The following ITPRID2 variants were observed in gnomAD, a reference collection of about 807,000 sequenced individuals.
ITPRID2 encodes ITPR interacting domain containing 2, also known as protein ITPRID2.
In ITPRID2, 60 loss-of-function variants were observed where a neutral mutation model predicts 124.3. That is an observed-to-expected ratio of 0.48 (90% CI 0.39 to 0.60). The LOEUF is 0.60. Ranked by LOEUF, ITPRID2 falls within the 20% of genes least tolerant of loss-of-function variation. The pLI is 0.00. For synonymous variants in ITPRID2, 521 were observed against 542.9 expected (o/e 0.96, Z 0.56); for missense variants, 1,553 against 1,512.2 (o/e 1.03, Z -0.45).
In ITPRID2 at chr2:181,892,603, C is replaced by T. The variant is rs759313450; in HGVS notation, c.212-12C>T. 2.5e-6 allele frequency: 4 copies of T among 1,614,064 alleles called. No individual in the cohort carries two copies. The highest frequency in any genetic ancestry group is 1.3e-5 in the African/African-American group (1 of 74,944). ...TGGGTGGTAACGTGCTGTCCCCTCT[C>T]TCTACCCCCAGGAAACGTGCCCAAC... On this transcript the variant is annotated splice_polypyrimidine_tract_variant and intron_variant, in intron 1 of 17. Coordinates refer to ENST00000431877, the MANE Select transcript of ITPRID2 (RefSeq NM_001130445.3). This position sits in a 1 kb window ranked among gnomAD's most constrained non-coding sequence, Gnocchi z 5.2.
At chr2:181,898,799 A>G in intron 4 of ITPRID2, 81 bp from the exon 5 acceptor site, 1 of 987,432 alleles carries the variant, frequency 1.0e-6, no homozygotes, top group Non-Finnish European at 1.6e-6. Flanking sequence ...ATTGTAGGTA[A>G]TTAGATTTCT....
Position 181,892,627 on chromosome 2 carries a change from A to T in ITPRID2, c.224A>T (p.Asn75Ile), listed in dbSNP as rs758649964. 6.2e-7 allele frequency: 1 copy of T among 1,613,972 alleles called. No individual in the cohort carries two copies. Among genetic ancestry groups the T allele is most frequent in the African/African-American group, 1.3e-5 (1 of 74,984 alleles). The change falls in exon 2 of 18, where the codon AAC becomes ATC. Residue 75 changes from asparagine (N) to isoleucine (I), a missense_variant. Physicochemically the swap from Asn to Ile is moderately radical, Grantham distance 149. Transcript: ENST00000431877. This position sits in a 1 kb window ranked among gnomAD's most constrained non-coding sequence, Gnocchi z 5.2. ...TCTCTACCCCCAGGAAACGTGCCCA[A>T]CGAGAAGATCGCGATATGGCTCAAG... ...PAAGGRGNVP[N>I]EKIAIWLKDC...
In ITPRID2 at chr2:181,928,250, G is replaced by A; in HGVS notation, c.3765G>A (p.Lys1255=). The change falls in exon 17 of 18, where the codon AAG becomes AAA. Residue 1255 remains lysine (K), a synonymous_variant. Coordinates refer to ENST00000431877, the MANE Select transcript of ITPRID2 (RefSeq NM_001130445.3). ...CTTCAAGTAAAGCGTCTAATTCTAA[G>A]CAAGATTATCATTAAACAGAAATTA... is the stretch of plus-strand genomic sequence containing the variant. ...AVSSSKASNS[K]QDYH is the part of the protein sequence containing the mutation. 1.3e-6 allele frequency: 2 copies of A among 1,541,924 alleles called. No individual in the cohort carries two copies. Among genetic ancestry groups the A allele is most frequent in the Non-Finnish European group, 1.7e-6 (2 of 1,143,756 alleles).
chr2:181,924,998 A>G (rs1001213193), intron 16 of ITPRID2, among the ~76,000 whole-genome samples: 3 of 152,254 alleles, frequency 2.0e-5, no homozygotes, highest in Non-Finnish European at 4.4e-5. Flanking sequence ...ACAGAAGCCA[A>G]TTCAGCAAAA....
At chr2:181,923,545 C>T (rs1026921387) in intron 16 of ITPRID2, among the ~76,000 whole-genome samples, 6 of 152,192 alleles carry the variant, frequency 3.9e-5, no homozygotes, top group Admixed American at 6.5e-5. Context: ...TCACCCTACT[C>T]GGTCAGGTGT....
In ITPRID2 at chr2:181,907,753, CAAT is replaced by C. The variant is rs1693263593; in HGVS notation, c.1414-2140_1414-2138del. Among the ~76,000 whole-genome samples the C allele has an allele frequency of 6.6e-6, 1 of 152,054 alleles. No individual in the cohort carries two copies. The highest frequency in any genetic ancestry group is 6.5e-5 in the Admixed American group (1 of 15,276). On this transcript the variant is annotated intron_variant, in intron 8 of 17. Coordinates refer to ENST00000431877, the MANE Select transcript of ITPRID2 (RefSeq NM_001130445.3). The surrounding 1 kb of genome is among the most constrained non-coding windows in gnomAD (Gnocchi z 5.1). ...CTGCCGCCTTTTGCACAATTGTGAC[CAAT>C]AATAAAATAAGAAATTCACCCATTA...
At chr2:181,924,397 A>G (rs772721442) in intron 16 of ITPRID2, among the ~76,000 whole-genome samples, 6 of 152,334 alleles carry the variant, frequency 3.9e-5, no homozygotes, top group Non-Finnish European at 8.8e-5. Flanking sequence ...ACCTAAATAC[A>G]TACTGTACTA....
Position 181,900,771 on chromosome 2 carries a change from A to G in ITPRID2, c.579A>G (p.Glu193=). The part of the protein sequence containing the change: ...ILYNLGFGRD[E]PDIASKIPSR... Reference sequence around the variant, plus strand: ...ATAATCTTGGATTTGGACGTGATGAACCAGATATTGCTTCTAAAATTCCTT... The same window carrying G: ...ATAATCTTGGATTTGGACGTGATGAGCCAGATATTGCTTCTAAAATTCCTT... The change falls in exon 7 of 18, where the codon GAA becomes GAG. Residue 193 remains glutamate (E), a synonymous_variant. Coordinates refer to ENST00000431877, the MANE Select transcript of ITPRID2 (RefSeq NM_001130445.3). The G allele has an allele frequency of 1.2e-6, 2 of 1,613,370 alleles. No homozygotes were observed. Among genetic ancestry groups the G allele is most frequent in the Non-Finnish European group, 8.5e-7 (1 of 1,179,644 alleles).
intron 17 of ITPRID2, among the ~76,000 whole-genome samples, chr2:181,928,713 C>A (rs1695048422): frequency 6.6e-6 from 1 of 151,820 alleles, no homozygotes; most frequent in Non-Finnish European, 1.5e-5. Context: ...GCAAGCTCCG[C>A]CTCCCGGGTT....
rs1693997755 is a variant in ITPRID2 at position 181,915,883 on chromosome 2, T to C, written c.2243T>C (p.Val748Ala). 6.2e-7 allele frequency: 1 copy of C among 1,614,174 alleles called. No individual in the cohort carries two copies. The highest frequency in any genetic ancestry group is 2.2e-5 in the East Asian group (1 of 44,876). Residue 748 changes from valine (V) to alanine (A), a missense_variant, in exon 11 of 18, where the codon GTA (valine) becomes GCA (alanine). Transcript: ENST00000431877. ...TTACCAACCACCTTATTGAGCCCAG[T>C]AAGGGTTGTGTCCTCTGTCAATGTT... ...QSLPTTLLSP[V>A]RVVSSVNVRL... is the part of the protein sequence containing the mutation.
At chr2:181,913,988 T>C in intron 10 of ITPRID2, 55 bp downstream of exon 10, 1 of 1,180,210 alleles carries the variant, frequency 8.5e-7, no homozygotes, top group Non-Finnish European at 1.2e-6. Flanking sequence ...TTTAAGGTGG[T>C]TTTTGTATTA....
chr2:181,907,615 T>C lies in ITPRID2; in HGVS notation c.1414-2284T>C, dbSNP rs1201322732. Among the ~76,000 whole-genome samples, 3 of 152,200 alleles carry C rather than the reference T, an allele frequency of 2.0e-5. No individual in the cohort carries two copies. The highest frequency in any genetic ancestry group is 2.9e-5 in the Non-Finnish European group (2 of 68,020). On this transcript the variant is annotated intron_variant, in intron 8 of 17. Transcript: ENST00000431877. This position sits in a 1 kb window ranked among gnomAD's most constrained non-coding sequence, Gnocchi z 5.1. ...GGCTGCTTATAGCAAATGACCAGAA[T>C]TCTACGGAGCATTTGAAACCACTGA...
In ITPRID2 at chr2:181,916,192, C is replaced by T. The variant is rs1392707896; in HGVS notation, c.2552C>T (p.Ser851Phe). Residue 851 changes from serine to phenylalanine, a missense_variant, in exon 11 of 18, where the codon TCT becomes TTT. Coordinates refer to ENST00000431877, the MANE Select transcript of ITPRID2 (RefSeq NM_001130445.3). ...QSTCSLHSIH[S>F]EWQERPLCEH... ...ACCTGTTCCCTTCATTCCATCCACT[C>T]TGAGTGGCAAGAAAGGCCCCTGTGT... is the stretch of plus-strand genomic sequence containing the variant. The T allele has an allele frequency of 5.0e-6, 8 of 1,614,106 alleles. No homozygotes were observed. The highest frequency in any genetic ancestry group is 6.8e-6 in the Non-Finnish European group (8 of 1,180,048).
At chr2:181,904,478 A>C (rs952965552) in intron 8 of ITPRID2, among the ~76,000 whole-genome samples, 1 of 116,508 alleles carries the variant, frequency 8.6e-6, no homozygotes, top group Non-Finnish European at 1.8e-5. Context: ...CATTAAAGAG[A>C]GCTTGTAGAA....
Position 181,916,780 on chromosome 2 carries a change from TTCTTTCTC to T in ITPRID2, c.2787+365_2787+372del, listed in dbSNP as rs1389848179. 3.6e-5 allele frequency: 35 copies of T among 967,408 alleles called. No homozygotes were observed. The African/African-American group carries it at 5.2e-4, about 14-fold the overall frequency. 59.9% of individuals were successfully genotyped at this position (967,408 alleles called of 1,614,324 possible). On this transcript the variant is annotated intron_variant, in intron 11 of 17. Transcript: ENST00000431877. ...TATTAAAAAATCTTCCCTCTTAAAG[TTCTTTCTC>T]TCTTTCTCTCTGCTATTTGAACATG...
chr2:181,921,054 T>C (rs761336371), intron 15 of ITPRID2, among the ~76,000 whole-genome samples: 1 of 152,192 alleles, frequency 6.6e-6, no homozygotes, highest in South Asian at 2.1e-4. Flanking sequence ...CATGGTGATA[T>C]GTGCCTGTAG....
At chr2:181,922,457 TAG>T in intron 16 of ITPRID2, 45 bp downstream of exon 16, 1 of 1,464,588 alleles carries the variant, frequency 6.8e-7, no homozygotes, top group South Asian at 1.4e-5. Flanking sequence ...AGGTATATGT[TAG>T]AGGAGATTTT....
chr2:181,909,456 A>G (rs1368593552), intron 8 of ITPRID2, among the ~76,000 whole-genome samples: 3 of 152,170 alleles, frequency 2.0e-5, no homozygotes, highest in Non-Finnish European at 4.4e-5. Flanking sequence ...AGTTTAACGT[A>G]TAGAGAACTT....
In ITPRID2 at chr2:181,910,710, C is replaced by A; in HGVS notation, c.1486+739C>A. On this transcript the variant is annotated intron_variant, in intron 9 of 17. Coordinates refer to ENST00000431877, the MANE Select transcript of ITPRID2 (RefSeq NM_001130445.3). This position sits in a 1 kb window ranked among gnomAD's most constrained non-coding sequence, Gnocchi z 4.1. ...TAAACAAAGATTCGTATGTATGTTCCTAGAATAGGAAATTACATGTTTGTT... is the reference window on the plus strand; with the variant it reads ...TAAACAAAGATTCGTATGTATGTTCATAGAATAGGAAATTACATGTTTGTT... The A allele has an allele frequency of 1.6e-6, 1 of 621,204 alleles. No individual in the cohort carries two copies. The highest frequency in any genetic ancestry group is 2.9e-6 in the Non-Finnish European group (1 of 343,420). The allele number at this position is 621,204 out of a possible 1,614,324, so 38.5% of individuals were successfully genotyped here. A position where few individuals can be genotyped will look rare whatever the true frequency, so the allele number is the denominator to read the frequency against.
Sources: gnomAD v4.1 joint callset for allele counts (sites outside exome capture counted in the v4.1 genomes callset) on GRCh38, gnomAD v4.1.1 for gene constraint, Gnocchi (gnomAD v3.1) non-coding constraint, MANE v1.5 for transcripts, NCBI Gene and HGNC (gene_info 2026-07-23, HGNC 2026-07-21) for gene names.